The following COL19A1 variants were observed in gnomAD, a reference collection of about 807,000 sequenced individuals.
COL19A1 encodes collagen type XIX alpha 1 chain.
In COL19A1, 159 loss-of-function variants were observed where a neutral mutation model predicts 190.2. The ratio of observed to expected loss-of-function variants is 0.84; its 90% CI spans 0.73 to 0.95. The LOEUF (loss-of-function observed/expected upper bound fraction) is 0.95. Among genes scored for constraint, COL19A1 ranks in the 40% least tolerant of loss-of-function variants. The pLI, the probability that COL19A1 is intolerant of heterozygous loss-of-function variation, is 0.00. For synonymous variants in COL19A1, 509 were observed against 458.9 expected, an observed-to-expected ratio of 1.11 and a Z score of -1.39; for missense variants, 1,418 against 1,431.9, an observed-to-expected ratio of 0.99 and a Z score of 0.16.
At chr6:70,123,595 T>G (rs1582968019) in intron 17 of COL19A1, among the ~76,000 whole-genome samples, 1 of 129,160 alleles carries the variant, frequency 7.7e-6, no homozygotes, top group Admixed American at 7.8e-5. Context: ...TAAGAAAATG[T>G]GGCACATATA....
chr6:69,879,802 T>G, intron 2 of COL19A1, 144 bp downstream of exon 2: 2 of 741,684 alleles, frequency 2.7e-6, no homozygotes, highest in South Asian at 3.9e-5. Flanking sequence ...CTTCCATTGA[T>G]CTTCCCATGA....
intron 41 of COL19A1, among the ~76,000 whole-genome samples, chr6:70,173,243 T>C (rs999778953): frequency 2.0e-5 from 3 of 152,082 alleles, no homozygotes; most frequent in Non-Finnish European, 4.4e-5. Context: ...AAGTAAGGAA[T>C]GTGGAAAAGA....
At chr6:69,900,057 A>G (rs1162731882) in intron 3 of COL19A1, among the ~76,000 whole-genome samples, 182 bp from the exon 4 acceptor site, 1 of 152,206 alleles carries the variant, frequency 6.6e-6, no homozygotes, top group Admixed American at 6.5e-5. Context: ...CTATATGCAA[A>G]GTGAATTTCA....
At chr6:69,954,574 A>C (rs1774306093) in intron 9 of COL19A1, among the ~76,000 whole-genome samples, 1 of 152,062 alleles carries the variant, frequency 6.6e-6, no homozygotes, top group Non-Finnish European at 1.5e-5. Flanking sequence ...TTTGCACAAC[A>C]AAGTTTACAG....
At chr6:70,146,439 A>G (rs1476350109) in intron 25 of COL19A1, among the ~76,000 whole-genome samples, 1 of 152,076 alleles carries the variant, frequency 6.6e-6, no homozygotes, top group East Asian at 1.9e-4. Context: ...ATTTCTCAAT[A>G]TCAGGTGCCT....
intron 11 of COL19A1, among the ~76,000 whole-genome samples, chr6:69,972,820 A>G (rs141913636): frequency 2.3e-3 from 346 of 152,346 alleles, no homozygotes; most frequent in Non-Finnish European, 4.1e-3. Flanking sequence ...ATAATTCTAT[A>G]AAATAAAATA....
intron 31 of COL19A1, among the ~76,000 whole-genome samples, chr6:70,152,333 T>C (rs990241584): frequency 1.4e-4 from 22 of 152,078 alleles, no homozygotes; most frequent in Non-Finnish European, 3.1e-4. Flanking sequence ...ATTTGCACAA[T>C]AGTAAGCAGG....
chr6:69,986,691 T>C (rs889489263), intron 11 of COL19A1, among the ~76,000 whole-genome samples: 1 of 152,170 alleles, frequency 6.6e-6, no homozygotes, highest in Non-Finnish European at 1.5e-5. Context: ...TACAATTCCT[T>C]AAACTTTCTT....
At chr6:70,104,939 A>G (rs566479553) in intron 16 of COL19A1, among the ~76,000 whole-genome samples, 1 of 152,314 alleles carries the variant, frequency 6.6e-6, no homozygotes, top group Non-Finnish European at 1.5e-5. Context: ...TCAGAAGATT[A>G]AAAAACATGT....
At chr6:70,066,677 G>A (rs1781234946) in intron 14 of COL19A1, among the ~76,000 whole-genome samples, 1 of 151,748 alleles carries the variant, frequency 6.6e-6, no homozygotes, top group Non-Finnish European at 1.5e-5. Flanking sequence ...AGTAACTATG[G>A]ATCATGATAA....
At chr6:70,188,359 C>G in intron 47 of COL19A1, 114 bp downstream of exon 47, 1 of 1,226,574 alleles carries the variant, frequency 8.2e-7, no homozygotes. Flanking sequence ...TAAACTGGTC[C>G]CCGTGAGGGC....
At position 69,879,566 on chromosome 6, in the gene COL19A1, C is replaced by T; in HGVS notation, c.-2C>T. The T allele has an allele frequency of 3.1e-6, 5 of 1,613,742 alleles. No homozygotes were observed. The highest frequency in any genetic ancestry group is 4.2e-6 in the Non-Finnish European group (5 of 1,179,854). The stretch of plus-strand genomic sequence containing the variant: ...TGGCCGTTCACATGGTTTCAAGGCA[C>T]AATGAGACTCACTGGCCCTTGGAAA... On this transcript the variant is annotated 5_prime_UTR_variant, in exon 2 of 51. Coordinates refer to ENST00000620364, the MANE Select transcript of COL19A1 (RefSeq NM_001858.6).
chr6:70,062,336 CT>C (rs1180902291), intron 14 of COL19A1, among the ~76,000 whole-genome samples: 1 of 152,030 alleles, frequency 6.6e-6, no homozygotes, highest in Non-Finnish European at 1.5e-5. Context: ...ACGTATATTA[CT>C]TTTTTATTCA....
At position 70,210,535 on chromosome 6, in the gene COL19A1, G is replaced by A. The variant is rs866815505; in HGVS notation, c.*3261G>A. Reference sequence around the variant, plus strand: ...AACTTAAGCAATTATATTAAAATACGTTGTCTGTGAAAATTATCATTTGAT... The same window carrying A: ...AACTTAAGCAATTATATTAAAATACATTGTCTGTGAAAATTATCATTTGAT... On this transcript the variant is annotated 3_prime_UTR_variant, in exon 51 of 51. Transcript: ENST00000620364. Among the ~76,000 whole-genome samples the A allele has an allele frequency of 1.8e-4, 28 of 152,158 alleles. No individual in the cohort carries two copies. The highest frequency in any genetic ancestry group is 1.9e-4 in the East Asian group (1 of 5,184).
intron 7 of COL19A1, among the ~76,000 whole-genome samples, chr6:69,934,260 A>G (rs1049550998): frequency 2.0e-5 from 3 of 152,016 alleles, no homozygotes; most frequent in Non-Finnish European, 4.4e-5. Flanking sequence ...ATATCTTTCT[A>G]TAAATATCTG....
At chr6:70,039,006 A>T (rs1779497724) in intron 14 of COL19A1, among the ~76,000 whole-genome samples, 1 of 151,938 alleles carries the variant, frequency 6.6e-6, no homozygotes, top group African/African-American at 2.4e-5. Flanking sequence ...GTGAGCCGAG[A>T]TCGCGCCACT....
At chr6:70,178,854 C>T (rs139037657) in intron 42 of COL19A1, among the ~76,000 whole-genome samples, 145 of 152,174 alleles carry the variant, frequency 9.5e-4, no homozygotes, top group African/African-American at 3.4e-3. Context: ...CTGAGGAAAG[C>T]GTGTGGGTTT....
intron 35 of COL19A1, among the ~76,000 whole-genome samples, chr6:70,163,004 C>T (rs1190827221): frequency 2.0e-5 from 3 of 152,072 alleles, no homozygotes; most frequent in Non-Finnish European, 2.9e-5. Flanking sequence ...AATGTTGATC[C>T]CTACCAAAAC....
intron 1 of COL19A1, among the ~76,000 whole-genome samples, chr6:69,868,112 C>A (rs1767590099): frequency 6.6e-6 from 1 of 151,480 alleles, no homozygotes; most frequent in Non-Finnish European, 1.5e-5. Flanking sequence ...TATTTTCAAC[C>A]ACCACCCCTC....
Sources: allele counts gnomAD v4.1 joint callset (sites outside exome capture counted in the v4.1 genomes callset), GRCh38; gene constraint gnomAD v4.1.1; transcripts MANE v1.5; gene names NCBI Gene and HGNC (gene_info 2026-07-23, HGNC 2026-07-21).